The following BARD1 variants were observed in gnomAD, a reference collection of about 807,000 sequenced individuals.
BARD1 encodes the protein BRCA1 associated RING domain 1, also known as BRCA1-associated RING domain protein 1.
BARD1 carries 73 observed loss-of-function variants against 77.0 expected under a neutral mutation model. The observed-to-expected ratio is 0.95, with a 90% CI of 0.79 to 1.15. BARD1 has a LOEUF of 1.15. BARD1 is among the 50% of genes most tolerant of loss of function. The pLI is 0.00. For synonymous variants in BARD1, 384 were observed against 338.0 expected, an observed-to-expected ratio of 1.14 and a Z score of -1.49; for missense variants, 993 against 938.8, an observed-to-expected ratio of 1.06 and a Z score of -0.75.
rs750413473 is a variant in BARD1 at position 214,728,708 on chromosome 2, TCA to T, written c.2300_2301del (p.Val767AspfsTer4). The stretch of plus-strand genomic sequence containing the variant: ...TCAAGAGGAAGCAACTCAAAGGACA[TCA>T]CACAGTCTATAAACCAGCTCGAAGG... ...KAPSSWFIDCVMSFELLPLDS is the reference protein window; with the variant it reads ...KAPSSWFIDCXMSFELLPLDS On this transcript the variant is annotated frameshift_variant, in exon 11 of 11. Transcript: ENST00000260947. LOFTEE classifies it high-confidence loss of function. The T allele has an allele frequency of 2.4e-5, 38 of 1,614,072 alleles. No homozygotes were observed. The highest frequency in any genetic ancestry group is 2.3e-5 in the Non-Finnish European group (27 of 1,180,022).
At chr2:214,781,601 G>A (rs1194900757) in intron 3 of BARD1, 92 bp from the exon 4 acceptor site, 2 of 954,666 alleles carry the variant, frequency 2.1e-6, no homozygotes, top group African/African-American at 1.7e-5. Context: ...TTCCCCTAAA[G>A]TGTATCATCT....
chr2:214,761,145 T>A (rs1176779522), intron 6 of BARD1, among the ~76,000 whole-genome samples: 2 of 152,092 alleles, frequency 1.3e-5, no homozygotes, highest in Non-Finnish European at 2.9e-5. Flanking sequence ...GAGTGATTAC[T>A]ACTAATAACA....
chr2:214,809,369 G>A, intron 1 of BARD1, 43 bp downstream of exon 1: 1 of 1,609,166 alleles, frequency 6.2e-7, no homozygotes, highest in Non-Finnish European at 8.5e-7. Context: ...GAAACTGTGC[G>A]ACCCGTGCCC....
chr2:214,759,324 C>T (rs768591919), intron 6 of BARD1, among the ~76,000 whole-genome samples: 2 of 152,162 alleles, frequency 1.3e-5, no homozygotes, highest in African/African-American at 4.8e-5. Flanking sequence ...ACATGTTATT[C>T]GCCACACACT....
At chr2:214,750,674 G>C (rs890857447) in intron 7 of BARD1, among the ~76,000 whole-genome samples, 2 of 152,072 alleles carry the variant, frequency 1.3e-5, no homozygotes, top group Non-Finnish European at 2.9e-5. Context: ...GCCCCAGGAG[G>C]GGCTGTCAAA....
rs190910348 is a variant in BARD1 at position 214,804,400 on chromosome 2, G to A, written c.158+5012C>T. 3.3e-5 allele frequency among the ~76,000 whole-genome samples: 5 copies of A among 152,240 alleles called. No individual in the cohort carries two copies. In the East Asian group the frequency reaches 7.7e-4, roughly 24 times the overall value. On this transcript the variant is annotated intron_variant, in intron 1 of 10. Coordinates refer to ENST00000260947, the MANE Select transcript of BARD1 (RefSeq NM_000465.4). The stretch of plus-strand genomic sequence containing the variant: ...TGTGTCTGGCATTGTGGCTACAAAC[G>A]TGAACCTAGTTTTACTAAATATATA...
In BARD1 at chr2:214,809,468, C is replaced by G; in HGVS notation, c.102G>C (p.Trp34Cys). The G allele has an allele frequency of 6.2e-7, 1 of 1,610,770 alleles. No homozygotes were observed. Among genetic ancestry groups the G allele is most frequent in the Non-Finnish European group, 8.5e-7 (1 of 1,179,416 alleles). ...PAMEPDGRGAWAHSRAALDRL... is the reference protein window; with the variant it reads ...PAMEPDGRGACAHSRAALDRL... ...GGTCGAGCGCGGCGCGACTGTGGGC[C>G]CAGGCACCGCGACCATCCGGTTCCA... The change falls in exon 1 of 11, where the codon TGG becomes TGC. Residue 34 changes from tryptophan to cysteine, a missense_variant. By Grantham distance (215) the Trp-to-Cys change is radical (BLOSUM62 -2). Coordinates refer to ENST00000260947, the MANE Select transcript of BARD1 (RefSeq NM_000465.4).
chr2:214,751,109 G>C, intron 7 of BARD1, among the ~76,000 whole-genome samples: 1 of 10,250 alleles, frequency 9.8e-5, no homozygotes, highest in South Asian at 4.5e-3. Flanking sequence ...GTGTGTGTGT[G>C]TGTGTGTGTA....
intron 1 of BARD1, among the ~76,000 whole-genome samples, chr2:214,800,101 C>A (rs570324971): frequency 4.6e-5 from 7 of 152,342 alleles, no homozygotes; most frequent in South Asian, 2.1e-4. Context: ...CGCCTTGATT[C>A]TGTTTCTCAA....
chr2:214,786,858 G>A (rs943528893), intron 3 of BARD1, among the ~76,000 whole-genome samples: 2 of 151,878 alleles, frequency 1.3e-5, no homozygotes, highest in Non-Finnish European at 2.9e-5. Flanking sequence ...TCAGAATGAC[G>A]TATCCATTCA....
chr2:214,730,805 T>C, intron 9 of BARD1: 1 of 474,546 alleles, frequency 2.1e-6, no homozygotes, highest in Non-Finnish European at 4.0e-6. Flanking sequence ...CAGGATACTA[T>C]TTCAAAGACA....
chr2:214,765,644 T>G (rs1214851235), intron 6 of BARD1, among the ~76,000 whole-genome samples: 3 of 152,124 alleles, frequency 2.0e-5, no homozygotes, highest in Non-Finnish European at 4.4e-5. Flanking sequence ...AAGCAATAAT[T>G]TGCGTTACCA....
intron 1 of BARD1, among the ~76,000 whole-genome samples, chr2:214,800,803 C>A (rs1264672882): frequency 1.3e-5 from 2 of 152,020 alleles, no homozygotes; most frequent in Non-Finnish European, 2.9e-5. Flanking sequence ...TAAGACTTCT[C>A]AAGGGTAATA....
intron 6 of BARD1, among the ~76,000 whole-genome samples, chr2:214,760,097 G>C (rs1182467773): frequency 6.6e-6 from 1 of 152,134 alleles, no homozygotes; most frequent in African/African-American, 2.4e-5. Context: ...AAAGCTCTCA[G>C]TTATCTTTAT....
At chr2:214,809,347 C>G in intron 1 of BARD1, 65 bp downstream of exon 1, 2 of 1,596,280 alleles carry the variant, frequency 1.3e-6, no homozygotes, top group South Asian at 1.1e-5. Flanking sequence ...TGAAAAGATT[C>G]TGCCGCCCCC....
intron 7 of BARD1, among the ~76,000 whole-genome samples, chr2:214,751,027 T>C (rs1183234134): frequency 6.7e-6 from 1 of 149,486 alleles, no homozygotes; most frequent in Non-Finnish European, 1.5e-5. Flanking sequence ...TATTAGACAC[T>C]CTGCTAAAAT....
At chr2:214,789,855 T>C (rs1695436086) in intron 3 of BARD1, among the ~76,000 whole-genome samples, 1 of 152,058 alleles carries the variant, frequency 6.6e-6, no homozygotes, top group South Asian at 2.1e-4. Context: ...GAGGGCGCAG[T>C]GCTTAAGTCT....
rs587782248 is a variant in BARD1 at position 214,728,818 on chromosome 2, C to T, written c.2192G>A (p.Arg731His). Reference sequence around the variant, plus strand: ...ATAGATGATATACTGTGTGCAGAAGCGCTGATCAGAATCGGGTCTCGCATG... The same window carrying T: ...ATAGATGATATACTGTGTGCAGAAGTGCTGATCAGAATCGGGTCTCGCATG... The part of the protein sequence containing the change: ...AYHARPDSDQ[R>H]FCTQYIIYED... Residue 731 changes from arginine to histidine, a missense_variant, in exon 11 of 11, where the codon CGC (arginine) becomes CAC (histidine). By Grantham distance (29) the Arg-to-His change is conservative. Coordinates refer to ENST00000260947, the MANE Select transcript of BARD1 (RefSeq NM_000465.4). 5.0e-6 allele frequency: 8 copies of T among 1,614,196 alleles called. No homozygotes were observed. Among genetic ancestry groups the T allele is most frequent in the South Asian group, 4.4e-5 (4 of 91,086 alleles).
At chr2:214,805,841 C>A (rs1696245358) in intron 1 of BARD1, among the ~76,000 whole-genome samples, 1 of 151,928 alleles carries the variant, frequency 6.6e-6, no homozygotes, top group African/African-American at 2.4e-5. Flanking sequence ...TTAAAAAGGC[C>A]CACGTTACAA....
Sources: allele counts gnomAD v4.1 joint callset (sites outside exome capture counted in the v4.1 genomes callset), GRCh38; gene constraint gnomAD v4.1.1; transcripts MANE v1.5; gene names NCBI Gene and HGNC (gene_info 2026-07-23, HGNC 2026-07-21).